CRB2: variants seen among roughly 807,000 people sequenced by gnomAD.
CRB2 encodes the protein crumbs cell polarity complex component 2.
In CRB2, 85 loss-of-function variants were observed where a neutral mutation model predicts 110.9. The observed-to-expected ratio is 0.77, with a 90% confidence interval of 0.64 to 0.92. The LOEUF (loss-of-function observed/expected upper bound fraction) is 0.92, where lower values mean the gene tolerates loss of function less well. Ranked by LOEUF, CRB2 falls within the 40% of genes least tolerant of loss-of-function variation. The probability of loss-of-function intolerance (pLI) is 0.00; values close to 1 mark genes in which losing one functional copy is unlikely to be tolerated. For missense variants in CRB2, 1,843 were observed against 1,851.3 expected (o/e 1.00, Z 0.08); for synonymous variants, 907 against 831.0 (o/e 1.09, Z -1.57).
Position 123,366,083 on chromosome 9 carries a change from T to TG in CRB2, c.590dup (p.Thr198HisfsTer84). On this transcript the variant is annotated frameshift_variant, in exon 3 of 13. Coordinates refer to ENST00000373631, the MANE Select transcript of CRB2 (RefSeq NM_173689.7). LOFTEE classifies it high-confidence loss of function. ...AGTGCCAGAGCCAGCCGTGCGCACATGGGGGCACGTGCCACGACCTGGTCA... is the reference window on the plus strand; with the variant it reads ...AGTGCCAGAGCCAGCCGTGCGCACATGGGGGGCACGTGCCACGACCTGGTCA... 1 of 1,541,408 alleles carries TG rather than the reference T, an allele frequency of 6.5e-7. No homozygotes were observed. The highest frequency in any genetic ancestry group is 8.7e-7 in the Non-Finnish European group (1 of 1,151,314).
chr9:123,365,806 T>C, intron 2 of CRB2, 111 bp from the exon 3 acceptor site: 4 of 823,242 alleles, frequency 4.9e-6, no homozygotes, highest in Non-Finnish European at 6.8e-6. Context: ...ACCATCCGGC[T>C]CTGAATGAAT....
chr9:123,365,669 C>A (rs1184349927), intron 2 of CRB2, among the ~76,000 whole-genome samples: 1 of 152,328 alleles, frequency 6.6e-6, no homozygotes, highest in East Asian at 1.9e-4. Context: ...TAATTACTGG[C>A]TGAATCACCC....
chr9:123,358,397 G>A (rs186458284), intron 1 of CRB2, among the ~76,000 whole-genome samples: 74 of 152,336 alleles, frequency 4.9e-4, no homozygotes, highest in Middle Eastern at 3.4e-3. Flanking sequence ...AGCAGACAAA[G>A]GGGCAGTGAG....
Position 123,370,633 on chromosome 9 carries a change from A to G in CRB2, c.1580A>G (p.His527Arg), listed in dbSNP as rs2042000387. 1 of 1,610,738 alleles carries G rather than the reference A, an allele frequency of 6.2e-7. No individual in the cohort carries two copies. Among genetic ancestry groups the G allele is most frequent in the Non-Finnish European group, 8.5e-7 (1 of 1,180,014 alleles). The stretch of plus-strand genomic sequence containing the variant: ...TGGCACCAGGTGGAGGTTGTGCTCC[A>G]TCTAGCGACCCTGGAGCTACGGCTC... ...GHWHQVEVVL[H>R]LATLELRLWH... The change falls in exon 7 of 13, where the codon CAT (histidine) becomes CGT (arginine). Residue 527 changes from histidine to arginine, a missense_variant. His to Arg is a conservative substitution (Grantham distance 29). Coordinates refer to ENST00000373631, the MANE Select transcript of CRB2 (RefSeq NM_173689.7).
chr9:123,373,168 C>T lies in CRB2; in HGVS notation c.2637C>T (p.Pro879=), dbSNP rs772291855. 1.1e-5 allele frequency: 17 copies of T among 1,513,896 alleles called. No homozygotes were observed. Among genetic ancestry groups the T allele is most frequent in the South Asian group, 2.4e-5 (2 of 82,618 alleles). 93.8% of individuals were successfully genotyped at this position (1,513,896 alleles called of 1,614,324 possible). A position where few individuals can be genotyped will look rare whatever the true frequency, so the allele number is the denominator to read the frequency against. ...VAEATFREGP[P]AAFSGHNASS... ...AGGCCACGTTCCGCGAGGGTCCCCC[C>T]GCCGCGTTCAGCGGGCACAACGCGT... Residue 879 remains proline, a synonymous_variant, in exon 10 of 13, where the codon CCC becomes CCT. Transcript: ENST00000373631.
chr9:123,376,704 C>T (rs1323260733), intron 12 of CRB2, 134 bp from the exon 13 acceptor site: 1 of 851,130 alleles, frequency 1.2e-6, no homozygotes, highest in East Asian at 2.7e-5. Context: ...TGGGTCTTCA[C>T]TGCTCCCAGG....
chr9:123,356,138 G>T, upstream of CRB2: 1 of 566,368 alleles, frequency 1.8e-6, no homozygotes, highest in Non-Finnish European at 2.8e-6. Context: ...GCGGGGAGGG[G>T]AGGGAGGGGC....
At position 123,374,673 on chromosome 9, in the gene CRB2, C is replaced by CT. The variant is rs1564378996; in HGVS notation, c.3485dup (p.Glu1163GlyfsTer16). Reference sequence around the variant, plus strand: ...CTCTCCCGCTGCCAACTGCAGCTGCCTGGAGGGTCTTGCTGGCCAGAGGTG... The same window carrying CT: ...CTCTCCCGCTGCCAACTGCAGCTGCCTTGGAGGGTCTTGCTGGCCAGAGGTG... On this transcript the variant is annotated frameshift_variant, in exon 11 of 13. Transcript: ENST00000373631. LOFTEE classifies it high-confidence loss of function. 6.2e-7 allele frequency: 1 copy of CT among 1,611,328 alleles called. No individual in the cohort carries two copies. Among genetic ancestry groups the CT allele is most frequent in the Non-Finnish European group, 8.5e-7 (1 of 1,179,718 alleles).
chr9:123,356,477 G>T, intron 1 of CRB2, 123 bp downstream of exon 1: 1 of 632,340 alleles, frequency 1.6e-6, no homozygotes, highest in Non-Finnish European at 2.5e-6. Context: ...CCTGAGCTGT[G>T]GGGTGCACAG....
Position 123,377,112 on chromosome 9 carries a change from C to A in CRB2, c.*50C>A. ...ACCTGGAGGTCCTGAATGGTTTCTA[C>A]CTGGAGACCCAAGGAAGCTGCTTCC... On this transcript the variant is annotated 3_prime_UTR_variant, in exon 13 of 13. Coordinates refer to ENST00000373631, the MANE Select transcript of CRB2 (RefSeq NM_173689.7). 1 of 1,440,622 alleles carries A rather than the reference C, an allele frequency of 6.9e-7. No individual in the cohort carries two copies. The highest frequency in any genetic ancestry group is 1.5e-5 in the South Asian group (1 of 68,746). The allele number at this position is 1,440,622 out of a possible 1,614,324, so 89.2% of individuals were successfully genotyped here.
intron 1 of CRB2, among the ~76,000 whole-genome samples, chr9:123,359,158 AAG>A (rs1176062358): frequency 6.6e-6 from 1 of 152,140 alleles, no homozygotes; most frequent in Non-Finnish European, 1.5e-5. Context: ...ATTTTTGAAA[AAG>A]AGTATGCCAA....
At position 123,374,643 on chromosome 9, in the gene CRB2, G is replaced by T; in HGVS notation, c.3454G>T (p.Gly1152Cys). Reference sequence around the variant, plus strand: ...CTGCCTCGATGGCAGCCCATGTGAGGGTGGCTCTCCCGCTGCCAACTGCAG... The same window carrying T: ...CTGCCTCGATGGCAGCCCATGTGAGTGTGGCTCTCCCGCTGCCAACTGCAG... ...VTCLDGSPCE[G>C]GSPAANCSCL... The change falls in exon 11 of 13, where the codon GGT becomes TGT. Residue 1152 changes from glycine (G) to cysteine (C), a missense_variant. Transcript: ENST00000373631. The T allele has an allele frequency of 1.2e-6, 2 of 1,613,080 alleles. No individual in the cohort carries two copies. The highest frequency in any genetic ancestry group is 1.1e-5 in the South Asian group (1 of 91,082).
chr9:123,375,290 G>A lies in CRB2; in HGVS notation c.3580G>A (p.Val1194Met). 1 of 1,611,814 alleles carries A rather than the reference G, an allele frequency of 6.2e-7. No homozygotes were observed. The highest frequency in any genetic ancestry group is 8.5e-7 in the Non-Finnish European group (1 of 1,178,862). Reference protein sequence around the residue: ...NGGTCRAAGGVSECICNARFS... With the variant: ...NGGTCRAAGGMSECICNARFS... ...GGGCACCTGCCGGGCAGCTGGAGGG[G>A]TGTCTGAATGTATCTGCAATGCCAG... The change falls in exon 12 of 13, where the codon GTG (valine) becomes ATG (methionine). Residue 1194 changes from valine to methionine, a missense_variant. Transcript: ENST00000373631.
At chr9:123,365,248 G>T (rs2041915651) in intron 2 of CRB2, among the ~76,000 whole-genome samples, 1 of 152,138 alleles carries the variant, frequency 6.6e-6, no homozygotes, top group African/African-American at 2.4e-5. Flanking sequence ...GGGCGACAGA[G>T]TGAGACTCTG....
At chr9:123,367,505 A>C in intron 5 of CRB2, 68 bp from the exon 6 acceptor site, 1 of 1,368,858 alleles carries the variant, frequency 7.3e-7, no homozygotes, top group Non-Finnish European at 9.9e-7. Flanking sequence ...CTAGCTATAG[A>C]ATGGACCCTC....
At position 123,371,238 on chromosome 9, in the gene CRB2, T is replaced by C; in HGVS notation, c.2096T>C (p.Phe699Ser). 1.9e-6 allele frequency: 3 copies of C among 1,613,924 alleles called. No individual in the cohort carries two copies. The highest frequency in any genetic ancestry group is 1.1e-5 in the South Asian group (1 of 91,074). Residue 699 changes from phenylalanine to serine, a missense_variant, in exon 8 of 13, where the codon TTC (phenylalanine) becomes TCC (serine). By Grantham distance (155) the Phe-to-Ser change is radical (BLOSUM62 -2). Transcript: ENST00000373631. ...ANDSAAGLTV[F>S]LSEGRIRAEV... ...GACTCCGCAGCTGGCCTAACAGTAT[T>C]CCTGAGTGAGGGTCGGATCCGGGCT...
In CRB2 at chr9:123,356,217, C is replaced by A; in HGVS notation, c.-44C>A. 7.4e-7 allele frequency: 1 copy of A among 1,357,436 alleles called. No homozygotes were observed. The highest frequency in any genetic ancestry group is 9.6e-7 in the Non-Finnish European group (1 of 1,039,324). 84.1% of individuals were successfully genotyped at this position (1,357,436 alleles called of 1,614,324 possible). On this transcript the variant is annotated 5_prime_UTR_variant, in exon 1 of 13. Coordinates refer to ENST00000373631, the MANE Select transcript of CRB2 (RefSeq NM_173689.7). ...GGGGTGCGGAGCCAGCCAGGCCGCC[C>A]TCCCGTTCTCACAGCAGCCGAGCAG...
chr9:123,373,031 A>C (rs1298662318), intron 9 of CRB2, 103 bp from the exon 10 acceptor site: 1 of 1,016,176 alleles, frequency 9.8e-7, no homozygotes, highest in Non-Finnish European at 1.4e-6. Flanking sequence ...CGTGTGCCCC[A>C]CCCCAAGTAA....
At chr9:123,365,673 A>G (rs1203541242) in intron 2 of CRB2, among the ~76,000 whole-genome samples, 1 of 152,116 alleles carries the variant, frequency 6.6e-6, no homozygotes, top group African/African-American at 2.4e-5. Flanking sequence ...TACTGGCTGA[A>G]TCACCCCCCA....
Sources: gnomAD v4.1 joint callset for allele counts (sites outside exome capture counted in the v4.1 genomes callset) on GRCh38, gnomAD v4.1.1 for gene constraint, MANE v1.5 for transcripts, NCBI Gene and HGNC (gene_info 2026-07-23, HGNC 2026-07-21) for gene names.